NOL4: variants seen among roughly 807,000 people sequenced by gnomAD.
The protein encoded by NOL4 is nucleolar protein 4.
Under a neutral mutation model 75.9 loss-of-function variants are expected in NOL4, and 17 were observed. The ratio of observed to expected loss-of-function variants is 0.22; its 90% CI spans 0.15 to 0.34. The LOEUF (loss-of-function observed/expected upper bound fraction) is 0.34. NOL4 is among the 10% of genes least tolerant of loss of function. The pLI, the probability that NOL4 is intolerant of heterozygous loss-of-function variation, is 1.00. For synonymous variants in NOL4, 292 were observed against 289.9 expected, an observed-to-expected ratio of 1.01 and a Z score of -0.07; for missense variants, 614 against 793.5, an observed-to-expected ratio of 0.77 and a Z score of 2.72.
chr18:34,113,178 T>C (rs911637339), intron 2 of NOL4, among the ~76,000 whole-genome samples: 12 of 152,008 alleles, frequency 7.9e-5, no homozygotes, highest in African/African-American at 2.4e-4. Context: ...TGGGGTCTCA[T>C]CATGTTGCCC....
intron 2 of NOL4, among the ~76,000 whole-genome samples, chr18:34,109,187 A>G (rs1392263505): frequency 6.6e-6 from 1 of 152,092 alleles, no homozygotes; most frequent in East Asian, 1.9e-4. Context: ...AGCAGTTCAA[A>G]CAGGGAAGTG....
chr18:34,174,804 T>A (rs2033388794), intron 1 of NOL4, among the ~76,000 whole-genome samples: 1 of 152,178 alleles, frequency 6.6e-6, no homozygotes, highest in Non-Finnish European at 1.5e-5. Context: ...TATGTGAGTT[T>A]GCTGAGAATG....
At chr18:33,987,700 G>T (rs1315947177) in intron 6 of NOL4, among the ~76,000 whole-genome samples, 2 of 152,000 alleles carry the variant, frequency 1.3e-5, no homozygotes, top group East Asian at 1.9e-4. Context: ...AGTGACAAAG[G>T]TATTAGAGCC....
At chr18:33,893,312 G>C (rs147266843) in intron 9 of NOL4, among the ~76,000 whole-genome samples, 2 of 152,258 alleles carry the variant, frequency 1.3e-5, no homozygotes, top group East Asian at 3.9e-4. Flanking sequence ...TTGGCACACT[G>C]TTTGAGAAAA....
At chr18:34,175,480 T>A (rs1048605665) in intron 1 of NOL4, among the ~76,000 whole-genome samples, 1 of 152,134 alleles carries the variant, frequency 6.6e-6, no homozygotes, top group African/African-American at 2.4e-5. Flanking sequence ...TGCAGCATAT[T>A]CCCTAGGAAT....
chr18:34,197,305 T>A (rs2035401796), intron 1 of NOL4, among the ~76,000 whole-genome samples: 1 of 152,028 alleles, frequency 6.6e-6, no homozygotes, highest in African/African-American at 2.4e-5. Context: ...CAGTGTTGAA[T>A]AGATCTATAG....
intron 1 of NOL4, among the ~76,000 whole-genome samples, chr18:34,155,199 T>C (rs1026664981): frequency 6.6e-6 from 1 of 151,548 alleles, no homozygotes; most frequent in East Asian, 1.9e-4. Context: ...ATTTGAAAAA[T>C]ATGAGAATCT....
chr18:34,074,287 TAAC>T (rs532566265), intron 5 of NOL4, among the ~76,000 whole-genome samples: 210 of 151,594 alleles, frequency 1.4e-3, no homozygotes, highest in African/African-American at 4.8e-3. Context: ...AAACTTAAAT[TAAC>T]AATGATATAA....
Position 34,223,422 on chromosome 18 carries a change from G to A in NOL4, c.-169C>T, listed in dbSNP as rs988151428. ...GGATGGGAAGAGGGGAGGAGGGTCC[G>A]GTTGGGCACCAGCAATCAATGCCCC... On this transcript the variant is annotated 5_prime_UTR_variant, in exon 1 of 11. Transcript: ENST00000261592. 5.0e-5 allele frequency: 44 copies of A among 878,508 alleles called. No individual in the cohort carries two copies. Among genetic ancestry groups the A allele is most frequent in the Non-Finnish European group, 7.0e-5 (41 of 589,370 alleles). The allele number at this position is 878,508 out of a possible 1,614,324, so 54.4% of individuals were successfully genotyped here.
intron 9 of NOL4, among the ~76,000 whole-genome samples, chr18:33,936,067 T>C (rs1184495771): frequency 6.6e-6 from 1 of 152,096 alleles, no homozygotes; most frequent in African/African-American, 2.4e-5. Flanking sequence ...ATAAATGTTA[T>C]AAAAAGGACA....
intron 6 of NOL4, among the ~76,000 whole-genome samples, chr18:33,976,102 G>A (rs533129036): frequency 6.6e-6 from 1 of 152,286 alleles, no homozygotes. Flanking sequence ...AACAATCTTA[G>A]ACACTAAACA....
intron 9 of NOL4, among the ~76,000 whole-genome samples, chr18:33,886,778 T>G (rs930190516): frequency 6.2e-5 from 9 of 145,086 alleles, no homozygotes; most frequent in Non-Finnish European, 1.5e-5. Context: ...TATCTATATA[T>G]ATATATCTAT....
rs527336051 is a variant in NOL4 at position 34,026,177 on chromosome 18, G to A, written c.773-6576C>T. Among the ~76,000 whole-genome samples the A allele has an allele frequency of 3.9e-5, 6 of 152,120 alleles. No individual in the cohort carries two copies. The East Asian group carries it at 9.7e-4, about 25-fold the overall frequency. On this transcript the variant is annotated intron_variant, in intron 5 of 10. Coordinates refer to ENST00000261592, the MANE Select transcript of NOL4 (RefSeq NM_003787.5). ...TTCTATTGCAAATTTTATTTCCTAG[G>A]TTTTCTTGCCTAGTGCCTTATGACT... is the stretch of plus-strand genomic sequence containing the variant.
chr18:34,108,792 T>C (rs4633795), intron 2 of NOL4, among the ~76,000 whole-genome samples: 128,989 of 152,128 alleles, frequency 0.85, 54,814 homozygotes, highest in East Asian at 0.96. Context: ...ATAGTTCAGA[T>C]AGAAAATGAA....
intron 1 of NOL4, among the ~76,000 whole-genome samples, chr18:34,160,543 G>C (rs1237001942): frequency 6.6e-6 from 1 of 152,106 alleles, no homozygotes; most frequent in African/African-American, 2.4e-5. Context: ...CCTTTAACTA[G>C]AGAAAATGCA....
At chr18:34,077,133 C>G (rs1335513011) in intron 5 of NOL4, among the ~76,000 whole-genome samples, 2 of 151,976 alleles carry the variant, frequency 1.3e-5, no homozygotes, top group Admixed American at 1.3e-4. Context: ...TGGTGAAACC[C>G]GGTCTCTACA....
At chr18:33,858,651 T>C (rs962876423) in intron 10 of NOL4, among the ~76,000 whole-genome samples, 1 of 152,092 alleles carries the variant, frequency 6.6e-6, no homozygotes, top group African/African-American at 2.4e-5. Context: ...AATACTCTTT[T>C]TGATGATAGA....
intron 1 of NOL4, among the ~76,000 whole-genome samples, chr18:34,130,310 G>A (rs1022508778): frequency 1.4e-4 from 21 of 151,682 alleles, no homozygotes; most frequent in African/African-American, 4.6e-4. Context: ...CCATCAGTAC[G>A]ATTTTCTTAA....
intron 5 of NOL4, among the ~76,000 whole-genome samples, chr18:34,037,712 C>CA (rs1461664046): frequency 1.3e-5 from 2 of 151,672 alleles, no homozygotes; most frequent in African/African-American, 2.4e-5. Context: ...ACTCATATGC[C>CA]AAAAAATGAA....
Sources: allele counts gnomAD v4.1 joint callset (sites outside exome capture counted in the v4.1 genomes callset), GRCh38; gene constraint gnomAD v4.1.1; transcripts MANE v1.5; gene names NCBI Gene and HGNC (gene_info 2026-07-23, HGNC 2026-07-21).